The following PRKG1 variants were observed in gnomAD, a reference collection of about 807,000 sequenced individuals.
PRKG1 encodes the protein cGMP-dependent protein kinase 1.
Under a neutral mutation model 88.1 loss-of-function variants are expected in PRKG1, and 35 were observed. The ratio of observed to expected loss-of-function variants is 0.40; its 90% CI spans 0.30 to 0.53. The LOEUF is 0.53. Among genes scored for constraint, PRKG1 ranks in the 20% least tolerant of loss-of-function variants. The pLI, the probability that PRKG1 is intolerant of heterozygous loss-of-function variation, is 0.59. For synonymous variants in PRKG1, 303 were observed against 292.5 expected (o/e 1.04, Z -0.37); for missense variants, 540 against 839.8 (o/e 0.64, Z 4.41).
intron 12 of PRKG1, among the ~76,000 whole-genome samples, chr10:52,277,138 G>A (rs1365528659): frequency 6.6e-6 from 1 of 152,136 alleles, no homozygotes; most frequent in African/African-American, 2.4e-5. Flanking sequence ...ACCCTAAGAT[G>A]TACAATTTGT....
intron 5 of PRKG1, among the ~76,000 whole-genome samples, chr10:52,018,111 CTTT>C (rs1845090571): frequency 6.6e-6 from 1 of 152,078 alleles, no homozygotes; most frequent in South Asian, 2.1e-4. Context: ...TTACAGCATG[CTTT>C]CTAAAAGATT....
At chr10:52,173,656 A>G (rs1838774608) in intron 9 of PRKG1, among the ~76,000 whole-genome samples, 1 of 152,226 alleles carries the variant, frequency 6.6e-6, no homozygotes, top group South Asian at 2.1e-4. Flanking sequence ...AATTGCAAGC[A>G]TTAGTCAACT....
At chr10:51,660,670 T>A (rs1840276269) in intron 3 of PRKG1, among the ~76,000 whole-genome samples, 1 of 152,074 alleles carries the variant, frequency 6.6e-6, no homozygotes, top group South Asian at 2.1e-4. Flanking sequence ...GTTCTGAAAT[T>A]TATTATTGAA....
At chr10:52,026,034 C>T (rs1269939125) in intron 5 of PRKG1, among the ~76,000 whole-genome samples, 39 of 151,906 alleles carry the variant, frequency 2.6e-4, no homozygotes, top group Non-Finnish European at 2.9e-5. Flanking sequence ...ACCATCTGAT[C>T]TGTGACAAAC....
At chr10:51,267,108 C>T (rs1470129704) in intron 2 of PRKG1, among the ~76,000 whole-genome samples, 2 of 152,194 alleles carry the variant, frequency 1.3e-5, no homozygotes, top group Admixed American at 6.5e-5. Flanking sequence ...ATGAAACTTA[C>T]TAATTTTCAC....
intron 10 of PRKG1, chr10:52,252,169 A>G (rs565770066): frequency 2.0e-5 from 3 of 153,632 alleles, no homozygotes; most frequent in Admixed American, 6.5e-5. Context: ...AACAGTTTGA[A>G]TATTTTATAT....
intron 2 of PRKG1, among the ~76,000 whole-genome samples, chr10:51,169,112 AGGAAAT>A (rs1389668500): frequency 6.6e-6 from 1 of 152,206 alleles, no homozygotes; most frequent in Non-Finnish European, 1.5e-5. Flanking sequence ...TTTTGGAGAG[AGGAAAT>A]GGTTTTATAC....
At chr10:51,829,340 G>A (rs1839949921) in intron 4 of PRKG1, among the ~76,000 whole-genome samples, 1 of 152,180 alleles carries the variant, frequency 6.6e-6, no homozygotes, top group Admixed American at 6.6e-5. Flanking sequence ...CACACTCAAA[G>A]TGGGAAGGTG....
chr10:52,075,590 A>G (rs1846607994), intron 7 of PRKG1, among the ~76,000 whole-genome samples: 2 of 152,232 alleles, frequency 1.3e-5, no homozygotes, highest in Non-Finnish European at 2.9e-5. Flanking sequence ...CCATAAATCA[A>G]CCACACATAT....
intron 4 of PRKG1, among the ~76,000 whole-genome samples, chr10:51,882,475 A>C (rs1841462177): frequency 6.6e-6 from 1 of 152,192 alleles, no homozygotes; most frequent in Non-Finnish European, 1.5e-5. Context: ...ATTGTATGTT[A>C]GGTGCTGAAA....
chr10:51,007,446 CA>C (rs1252486539), intron 1 of PRKG1, among the ~76,000 whole-genome samples: 2 of 152,224 alleles, frequency 1.3e-5, no homozygotes, highest in South Asian at 2.1e-4. Context: ...GATAAATTAA[CA>C]GGGATTACAT....
rs1842410806 is a variant in PRKG1, at chr10:52,297,776, AT to A, written c.*3878del. On this transcript the variant is annotated 3_prime_UTR_variant, in exon 18 of 18. Transcript: ENST00000373980. ...GACAATGGTCCAACCGAAAAGAAAA[AT>A]TGGAAATGACTGCTAACCAGACCTC... The A allele has an allele frequency of 6.6e-6, 1 of 152,182 alleles. No individual in the cohort carries two copies. The highest frequency in any genetic ancestry group is 2.4e-5 in the African/African-American group (1 of 41,454). 9.4% of individuals were successfully genotyped at this position (152,182 alleles called of 1,614,324 possible). A position where few individuals can be genotyped will look rare whatever the true frequency, so the allele number is the denominator to read the frequency against.
intron 2 of PRKG1, among the ~76,000 whole-genome samples, chr10:51,423,013 A>G (rs1229573067): frequency 6.6e-6 from 1 of 151,532 alleles, no homozygotes; most frequent in Non-Finnish European, 1.5e-5. Context: ...TAAAAACACC[A>G]ATGTACCGGT....
At chr10:51,388,678 CTT>C (rs997552164) in intron 2 of PRKG1, among the ~76,000 whole-genome samples, 3 of 152,278 alleles carry the variant, frequency 2.0e-5, no homozygotes, top group Admixed American at 6.5e-5. Context: ...GTTTTGGTAA[CTT>C]TATAATTCTA....
intron 5 of PRKG1, among the ~76,000 whole-genome samples, chr10:51,953,699 A>G (rs1300781369): frequency 2.0e-5 from 3 of 152,082 alleles, no homozygotes; most frequent in African/African-American, 7.2e-5. Context: ...CCATGGAAAC[A>G]CCATATTGTG....
intron 2 of PRKG1, among the ~76,000 whole-genome samples, chr10:51,226,797 A>G (rs1337200086): frequency 6.6e-6 from 1 of 152,172 alleles, no homozygotes; most frequent in East Asian, 1.9e-4. Context: ...AGCAAGACAT[A>G]GGACTAACAG....
At chr10:51,262,469 G>C (rs1330380777) in intron 2 of PRKG1, among the ~76,000 whole-genome samples, 1 of 151,976 alleles carries the variant, frequency 6.6e-6, no homozygotes, top group Non-Finnish European at 1.5e-5. Context: ...TGCTCTGCCT[G>C]GTTCTTTGCT....
At chr10:51,407,808 G>A (rs1348568557) in intron 2 of PRKG1, among the ~76,000 whole-genome samples, 1 of 152,150 alleles carries the variant, frequency 6.6e-6, no homozygotes, top group Non-Finnish European at 1.5e-5. Flanking sequence ...TGTATTCCAT[G>A]CATACTCTTC....
chr10:51,160,699 G>A (rs1050248460), intron 2 of PRKG1, among the ~76,000 whole-genome samples: 29 of 152,108 alleles, frequency 1.9e-4, no homozygotes, highest in African/African-American at 7.0e-4. Flanking sequence ...GACTATTTGT[G>A]TTTCTTCCAT....
Sources: allele counts gnomAD v4.1 joint callset (sites outside exome capture counted in the v4.1 genomes callset), GRCh38; gene constraint gnomAD v4.1.1; transcripts MANE v1.5; gene names NCBI Gene and HGNC (gene_info 2026-07-23, HGNC 2026-07-21).